SERPINB4: variants seen among roughly 807,000 people sequenced by gnomAD.
SERPINB4 encodes the protein serpin family B member 4, also known as serpin B4.
A neutral mutation model predicts 33.2 loss-of-function variants in SERPINB4; 39 were observed. That is an observed-to-expected ratio of 1.18 (90% CI 0.91 to 1.53). The LOEUF (loss-of-function observed/expected upper bound fraction) is 1.53, where lower values mean the gene tolerates loss of function less well. Among genes scored for constraint, SERPINB4 ranks in the 40% most tolerant of loss-of-function variants. The probability of loss-of-function intolerance (pLI) is 0.00; values close to 1 mark genes in which losing one functional copy is unlikely to be tolerated. For missense variants in SERPINB4, 564 were observed against 455.4 expected (o/e 1.24, Z -2.17); for synonymous variants, 191 against 166.4 (o/e 1.15, Z -1.14).
In SERPINB4 at chr18:63,637,555, G is replaced by T; in HGVS notation, c.*164C>A. The T allele has an allele frequency of 1.4e-6, 1 of 710,384 alleles. No individual in the cohort carries two copies. Among genetic ancestry groups the T allele is most frequent in the East Asian group, 2.8e-5 (1 of 36,092 alleles). 44.0% of individuals were successfully genotyped at this position (710,384 alleles called of 1,614,324 possible). A position where few individuals can be genotyped will look rare whatever the true frequency, so the allele number is the denominator to read the frequency against. On this transcript the variant is annotated 3_prime_UTR_variant, in exon 8 of 8. Transcript: ENST00000341074. ...ATGTGGGCTTATTAAGAGAAAGAGAGAAAGGCATGCTATTTTAATCATTAA... is the reference window on the plus strand; with the variant it reads ...ATGTGGGCTTATTAAGAGAAAGAGATAAAGGCATGCTATTTTAATCATTAA...
In SERPINB4 at chr18:63,638,060, T is replaced by C; in HGVS notation, c.832A>G (p.Thr278Ala). The C allele has an allele frequency of 1.9e-6, 3 of 1,613,506 alleles. No homozygotes were observed. The highest frequency in any genetic ancestry group is 2.2e-5 in the East Asian group (1 of 44,860). ...EWTSLQNMRE[T>A]CVDLHLPRFK... The stretch of plus-strand genomic sequence containing the variant: ...CGAGGTAAGTGTAAATCGACACATG[T>C]CTCTCTCATATTCTGCAAACTTGTC... Residue 278 changes from threonine (T) to alanine (A), a missense_variant, in exon 8 of 8, where the codon ACA becomes GCA. Thr to Ala is a moderately conservative substitution (Grantham distance 58). Transcript: ENST00000341074.
At chr18:63,638,623 T>C (rs1432463819) in intron 7 of SERPINB4, among the ~76,000 whole-genome samples, 3 of 151,884 alleles carry the variant, frequency 2.0e-5, no homozygotes, top group Admixed American at 1.3e-4. Context: ...TTTCCTCACA[T>C]TGGTATATAT....
intron 5 of SERPINB4, 121 bp from the exon 6 acceptor site, chr18:63,639,897 C>T (rs1913070330): frequency 1.1e-6 from 1 of 929,444 alleles, no homozygotes; most frequent in Non-Finnish European, 1.6e-6. Flanking sequence ...TTGAGACTCA[C>T]TGACTTTGAT....
chr18:63,641,737 G>A, intron 4 of SERPINB4, 23 bp downstream of exon 4: 1 of 1,613,022 alleles, frequency 6.2e-7, no homozygotes, highest in South Asian at 1.1e-5. Context: ...CAAATGAAAT[G>A]TGGGTAGGCC....
chr18:63,639,044 T>C (rs1448975583), intron 7 of SERPINB4, 141 bp downstream of exon 7: 2 of 950,340 alleles, frequency 2.1e-6, no homozygotes, highest in Non-Finnish European at 3.0e-6. Context: ...ATTTGTAATA[T>C]GAAGGTGAGT....
chr18:63,640,918 TC>T lies in SERPINB4; in HGVS notation c.424del (p.Glu142LysfsTer36), dbSNP rs1024993179. 1.8e-5 allele frequency: 29 copies of T among 1,612,828 alleles called. No homozygotes were observed. Among genetic ancestry groups the T allele is most frequent in the Middle Eastern group, 1.6e-4 (1 of 6,064 alleles). ...CCAGGAGTTAATCTTCTTTCGACTTTCTTCTGGAGCATTTGCAAAATCAGTA... is the reference window on the plus strand; with the variant it reads ...CCAGGAGTTAATCTTCTTTCGACTTTTTCTGGAGCATTTGCAAAATCAGTA... ...ESTDFANAPE[E>X]SRKKINSWVE... is the part of the protein sequence containing the mutation. On this transcript the variant is annotated frameshift_variant, in exon 5 of 8. Transcript: ENST00000341074. LOFTEE classifies it high-confidence loss of function.
chr18:63,638,177 C>A (rs962360179), intron 7 of SERPINB4, 54 bp from the exon 8 acceptor site: 2 of 1,548,916 alleles, frequency 1.3e-6, no homozygotes, highest in Non-Finnish European at 1.7e-6. Context: ...CTCTAATACA[C>A]CTTAACAATG....
intron 5 of SERPINB4, among the ~76,000 whole-genome samples, chr18:63,640,443 G>T (rs1054025253): frequency 6.6e-5 from 10 of 152,070 alleles, no homozygotes; most frequent in African/African-American, 2.4e-4. Context: ...GGCAGCTCCA[G>T]CTCAGAGACA....
At chr18:63,641,052 AACTT>A (rs1297855824) in intron 4 of SERPINB4, 61 bp from the exon 5 acceptor site, 269 of 1,382,022 alleles carry the variant, frequency 1.9e-4, no homozygotes, top group Admixed American at 1.1e-3. Flanking sequence ...TATATTACCA[AACTT>A]ACTTATTTGT....
intron 6 of SERPINB4, 33 bp from the exon 7 acceptor site, chr18:63,639,373 C>T (rs563972733): frequency 4.2e-5 from 66 of 1,569,040 alleles, no homozygotes; most frequent in East Asian, 6.8e-5. Flanking sequence ...ACAAATAACA[C>T]GTGAAACACA....
chr18:63,637,799 A>G lies in SERPINB4; in HGVS notation c.1093T>C (p.Cys365Arg), dbSNP rs780106303. ...SSPSTNEEFC[C>R]NHPFLFFIRQ... ...ATGAAGAATAGGAAAGGGTGATTAC[A>G]ACAGAACTCTTCATTAGTTGAAGGA... The change falls in exon 8 of 8, where the codon TGT (cysteine) becomes CGT (arginine). Residue 365 changes from cysteine (C) to arginine (R), a missense_variant. Cys to Arg is a radical substitution (Grantham distance 180). Coordinates refer to ENST00000341074, the MANE Select transcript of SERPINB4 (RefSeq NM_002974.4). The G allele has an allele frequency of 7.4e-6, 12 of 1,613,410 alleles. No individual in the cohort carries two copies. The Admixed American group carries it at 1.7e-4, about 22-fold the overall frequency.
At chr18:63,642,963 T>G (rs1913185467) in intron 3 of SERPINB4, 198 bp downstream of exon 3, 2 of 645,702 alleles carry the variant, frequency 3.1e-6, no homozygotes, top group Non-Finnish European at 5.4e-6. Context: ...TGAGGTACAG[T>G]GCTGACTGTC....
chr18:63,640,049 C>T (rs1183004115), intron 5 of SERPINB4, among the ~76,000 whole-genome samples: 3 of 152,014 alleles, frequency 2.0e-5, no homozygotes, highest in Non-Finnish European at 4.4e-5. Context: ...TGAATGTCTC[C>T]AATCATCTGA....
chr18:63,638,002 T>C lies in SERPINB4; in HGVS notation c.890A>G (p.Asp297Gly). ...FKMEESYDLKDTLRTMGMVNI... is the reference protein window; with the variant it reads ...FKMEESYDLKGTLRTMGMVNI... Reference sequence around the variant, plus strand: ...CACCATTCCCATGGTTCTCAACGTGTCCTTGAGGTCATAGCTCTCTTCCAT... The same window carrying C: ...CACCATTCCCATGGTTCTCAACGTGCCCTTGAGGTCATAGCTCTCTTCCAT... Residue 297 changes from aspartate (D) to glycine (G), a missense_variant, in exon 8 of 8, where the codon GAC becomes GGC. Coordinates refer to ENST00000341074, the MANE Select transcript of SERPINB4 (RefSeq NM_002974.4). 1.9e-6 allele frequency: 3 copies of C among 1,613,638 alleles called. No homozygotes were observed. Among genetic ancestry groups the C allele is most frequent in the Non-Finnish European group, 2.5e-6 (3 of 1,179,762 alleles).
intron 6 of SERPINB4, 124 bp from the exon 7 acceptor site, chr18:63,639,464 A>T (rs1913051768): frequency 8.9e-7 from 1 of 1,118,162 alleles, no homozygotes; most frequent in African/African-American, 1.6e-5. Context: ...ATGAGTTAGA[A>T]ACAATAGTTT....
At position 63,638,125 on chromosome 18, in the gene SERPINB4, T is replaced by C. The variant is rs760332664; in HGVS notation, c.769-2A>G. 5 of 1,610,420 alleles carry C rather than the reference T, an allele frequency of 3.1e-6. No individual in the cohort carries two copies. The African/African-American group carries it at 6.7e-5, about 22-fold the overall frequency. ...CTCAGCAGTGAGTTTCTCTTCAAGC[T>C]ATACAAATGGAAAAAAGAAACTGAT... On this transcript the variant is annotated splice_acceptor_variant, in intron 7 of 7. Transcript: ENST00000341074. LOFTEE classifies it high-confidence loss of function.
Position 63,639,211 on chromosome 18 carries a change from G to T in SERPINB4, c.742C>A (p.Pro248Thr). The part of the protein sequence containing the change: ...GKDLSMIVLL[P>T]NEIDGLQKLE... The stretch of plus-strand genomic sequence containing the variant: ...TTCTGCAGACCATCGATTTCATTTG[G>T]CAGCAGCACAATCATGCTTAGATCT... Residue 248 changes from proline to threonine, a missense_variant, in exon 7 of 8, where the codon CCA becomes ACA. By Grantham distance (38) the Pro-to-Thr change is conservative. Coordinates refer to ENST00000341074, the MANE Select transcript of SERPINB4 (RefSeq NM_002974.4). The T allele has an allele frequency of 6.2e-7, 1 of 1,609,336 alleles. No homozygotes were observed. Among genetic ancestry groups the T allele is most frequent in the Non-Finnish European group, 8.5e-7 (1 of 1,176,968 alleles).
In SERPINB4 at chr18:63,643,362, C is replaced by T. The variant is rs7228407; in HGVS notation, c.165+51G>A. On this transcript the variant is annotated intron_variant, in intron 2 of 7. Coordinates refer to ENST00000341074, the MANE Select transcript of SERPINB4 (RefSeq NM_002974.4). ...CTATTACCATCTGCGTGCTAGCCGA[C>T]GGAACCAGAGAAAAACTGCAACAGG... 2,115 of 1,611,424 alleles carry T rather than the reference C, an allele frequency of 1.3e-3. 28 individuals are homozygous for T. The African/African-American group carries it at 0.025, about 19-fold the overall frequency.
chr18:63,637,571 T>G lies in SERPINB4; in HGVS notation c.*148A>C. The G allele has an allele frequency of 1.3e-6, 1 of 787,676 alleles. No individual in the cohort carries two copies. The highest frequency in any genetic ancestry group is 2.3e-5 in the South Asian group (1 of 43,724). The allele number at this position is 787,676 out of a possible 1,614,324, so 48.8% of individuals were successfully genotyped here. ...AGAAAGAGAGAAAGGCATGCTATTT[T>G]AATCATTAAATTCTTGATGATGACT... On this transcript the variant is annotated 3_prime_UTR_variant, in exon 8 of 8. Coordinates refer to ENST00000341074, the MANE Select transcript of SERPINB4 (RefSeq NM_002974.4).
Sources: gnomAD v4.1 joint callset for allele counts (sites outside exome capture counted in the v4.1 genomes callset) on GRCh38, gnomAD v4.1.1 for gene constraint, MANE v1.5 for transcripts, NCBI Gene and HGNC (gene_info 2026-07-23, HGNC 2026-07-21) for gene names.